SEMA5B: variants seen among roughly 807,000 people sequenced by gnomAD.
The protein encoded by SEMA5B is semaphorin 5B.
In SEMA5B, 66 loss-of-function variants were observed where a neutral mutation model predicts 135.0. That is an observed-to-expected ratio of 0.49 (90% CI 0.40 to 0.60). The LOEUF is 0.60. Ranked by LOEUF, SEMA5B falls within the 20% of genes least tolerant of loss-of-function variation. SEMA5B has a pLI of 0.00. For missense variants in SEMA5B, 1,501 were observed against 1,566.3 expected, an observed-to-expected ratio of 0.96 and a Z score of 0.70; for synonymous variants, 690 against 639.5, an observed-to-expected ratio of 1.08 and a Z score of -1.19.
At chr3:122,940,833 C>T (rs1190787966) in intron 4 of SEMA5B, among the ~76,000 whole-genome samples, 2 of 152,214 alleles carry the variant, frequency 1.3e-5, no homozygotes, top group African/African-American at 4.8e-5. Flanking sequence ...CAGAGCTCTC[C>T]CTATCCCACC....
intron 1 of SEMA5B, among the ~76,000 whole-genome samples, chr3:123,006,896 C>T (rs2107778731): frequency 6.6e-6 from 1 of 152,334 alleles, no homozygotes; most frequent in South Asian, 2.1e-4. Context: ...GCACCACAAA[C>T]AAGCCCTCCC....
chr3:122,993,814 C>T (rs1279167363), intron 1 of SEMA5B, among the ~76,000 whole-genome samples: 2 of 151,740 alleles, frequency 1.3e-5, no homozygotes, highest in Non-Finnish European at 2.9e-5. Flanking sequence ...CTGCTGTCAG[C>T]AGTCAGCTCC....
intron 1 of SEMA5B, among the ~76,000 whole-genome samples, chr3:122,979,147 C>T (rs1416133461): frequency 6.6e-6 from 1 of 152,158 alleles, no homozygotes; most frequent in Non-Finnish European, 1.5e-5. Context: ...AAGCAAAGTC[C>T]TCAGGTGTCT....
At chr3:122,991,404 T>G (rs796464066) in intron 1 of SEMA5B, among the ~76,000 whole-genome samples, 55 of 152,000 alleles carry the variant, frequency 3.6e-4, no homozygotes, top group African/African-American at 1.3e-3. Flanking sequence ...CAGCCAGGAG[T>G]AATTTTGCCC....
intron 2 of SEMA5B, 118 bp downstream of exon 2, chr3:122,961,022 A>T (rs1272279701): frequency 1.9e-6 from 2 of 1,053,038 alleles, no homozygotes; most frequent in Non-Finnish European, 2.7e-6. Flanking sequence ...GCTCAAATAC[A>T]GTGGACTGAG....
At chr3:122,959,348 G>A (rs1047103795) in intron 2 of SEMA5B, among the ~76,000 whole-genome samples, 4 of 152,166 alleles carry the variant, frequency 2.6e-5, no homozygotes, top group African/African-American at 4.8e-5. Flanking sequence ...CAGGCAGTCG[G>A]GCTCAGGAGT....
At chr3:122,973,493 T>G (rs1941201868) in intron 1 of SEMA5B, among the ~76,000 whole-genome samples, 1 of 151,116 alleles carries the variant, frequency 6.6e-6, no homozygotes. Context: ...AGAAAATGAG[T>G]GAGGAGGGGT....
intron 1 of SEMA5B, among the ~76,000 whole-genome samples, chr3:122,963,219 G>A (rs569326166): frequency 4.6e-5 from 7 of 152,280 alleles, no homozygotes; most frequent in Admixed American, 2.0e-4. Flanking sequence ...CAAACTGGCC[G>A]AGTGCAGTGG....
At chr3:122,913,155 C>T (rs1937846345) in intron 17 of SEMA5B, 44 bp downstream of exon 17, 2 of 1,480,862 alleles carry the variant, frequency 1.4e-6, no homozygotes, top group South Asian at 1.3e-5. Context: ...CTCACCGCTC[C>T]GGGGCTGGGA....
intron 1 of SEMA5B, among the ~76,000 whole-genome samples, chr3:122,984,825 T>C (rs183685658): frequency 8.2e-4 from 125 of 152,344 alleles, no homozygotes; most frequent in African/African-American, 2.9e-3. Context: ...TAAATTTGTC[T>C]GACACAGGCA....
At chr3:122,952,992 T>C (rs1404538254) in intron 2 of SEMA5B, among the ~76,000 whole-genome samples, 2 of 152,218 alleles carry the variant, frequency 1.3e-5, no homozygotes, top group African/African-American at 4.8e-5. Flanking sequence ...CCAAACCCCC[T>C]TCCTACACCT....
rs1940409855 is a variant in SEMA5B at position 122,957,999 on chromosome 3, A to T, written c.124+3141T>A. Among the ~76,000 whole-genome samples, 3 of 152,188 alleles carry T rather than the reference A, an allele frequency of 2.0e-5. No homozygotes were observed. In the South Asian group the frequency reaches 6.2e-4, roughly 32 times the overall value. Reference sequence around the variant, plus strand: ...TTAAGCTGACTTCCTGCTGCACACCAGCCTCCTGTGAATTTGGGCTGTGGG... The same window carrying T: ...TTAAGCTGACTTCCTGCTGCACACCTGCCTCCTGTGAATTTGGGCTGTGGG... On this transcript the variant is annotated intron_variant, in intron 2 of 22. Transcript: ENST00000357599.
At chr3:122,961,350 CA>C in intron 1 of SEMA5B, 49 bp from the exon 2 acceptor site, 1 of 1,555,962 alleles carries the variant, frequency 6.4e-7, no homozygotes, top group Non-Finnish European at 8.8e-7. Flanking sequence ...ATGAACCAGG[CA>C]AAAGAGATGA....
At chr3:122,986,900 G>A (rs1029523902) in intron 1 of SEMA5B, among the ~76,000 whole-genome samples, 1 of 152,198 alleles carries the variant, frequency 6.6e-6, no homozygotes, top group Non-Finnish European at 1.5e-5. Context: ...GAGTTTAGGA[G>A]GGCCCGGCCG....
At chr3:123,010,808 CAAAAA>C (rs138507516) in intron 1 of SEMA5B, among the ~76,000 whole-genome samples, 638 of 63,456 alleles carry the variant, frequency 0.01, 8 homozygotes, top group African/African-American at 0.026. Context: ...GTCTCCATCT[CAAAAA>C]AAAAAAAAAA....
At chr3:122,982,863 C>T (rs1941564779) in intron 1 of SEMA5B, among the ~76,000 whole-genome samples, 1 of 152,218 alleles carries the variant, frequency 6.6e-6, no homozygotes, top group African/African-American at 2.4e-5. Flanking sequence ...TGTATTTGTT[C>T]GGCTGCCCTG....
intron 1 of SEMA5B, 83 bp from the exon 2 acceptor site, chr3:122,961,384 C>T (rs1388976772): frequency 3.2e-6 from 4 of 1,236,662 alleles, no homozygotes; most frequent in Non-Finnish European, 4.5e-6. Flanking sequence ...GCCAGACTGC[C>T]CCAGGGACCA....
chr3:122,998,915 T>C (rs946500177), intron 1 of SEMA5B, among the ~76,000 whole-genome samples: 1 of 152,232 alleles, frequency 6.6e-6, no homozygotes, highest in South Asian at 2.1e-4. Context: ...TATTGACTTA[T>C]AGACTTTGAG....
intron 2 of SEMA5B, among the ~76,000 whole-genome samples, chr3:122,960,397 T>C (rs1291564396): frequency 6.6e-6 from 1 of 152,244 alleles, no homozygotes; most frequent in Non-Finnish European, 1.5e-5. Flanking sequence ...GTACAGCCGC[T>C]ATGTAAAACA....
Sources: allele counts gnomAD v4.1 joint callset (sites outside exome capture counted in the v4.1 genomes callset), GRCh38; gene constraint gnomAD v4.1.1; transcripts MANE v1.5; gene names NCBI Gene and HGNC (gene_info 2026-07-23, HGNC 2026-07-21).